Variants in CELSR1 observed in about 807,000 individuals in gnomAD.
CELSR1 encodes cadherin EGF LAG seven-pass G-type receptor 1.
A neutral mutation model predicts 249.1 loss-of-function variants in CELSR1; 110 were observed. The observed-to-expected ratio is 0.44, with a 90% CI of 0.38 to 0.52. CELSR1 has a LOEUF of 0.52. Among genes scored for constraint, CELSR1 ranks in the 20% least tolerant of loss-of-function variants. CELSR1 has a pLI of 0.00. For missense variants in CELSR1, 4,109 were observed against 4,296.4 expected (o/e 0.96, Z 1.22); for synonymous variants, 2,113 against 1,900.0 (o/e 1.11, Z -2.92).
At position 46,390,479 on chromosome 22, in the gene CELSR1, C is replaced by G. The variant is rs771590161; in HGVS notation, c.6258G>C (p.Ala2086=). 7 of 1,613,392 alleles carry G rather than the reference C, an allele frequency of 4.3e-6. No homozygotes were observed. The East Asian group carries it at 6.7e-5, about 15-fold the overall frequency. Reference sequence around the variant, plus strand: ...CCTTCTCCCCGCTGCAGTGTCGGACCGCATTTCCTGGGGAAGGAGAGCAGG... The same window carrying G: ...CCTTCTCCCCGCTGCAGTGTCGGACGGCATTTCCTGGGGAAGGAGAGCAGG... ...VPCPKGSVGN[A]VRHCSGEKGW... The change falls in exon 17 of 35, where the codon GCG becomes GCC. Residue 2086 remains alanine (A), a synonymous_variant. Coordinates refer to ENST00000674500, the MANE Select transcript of CELSR1 (RefSeq NM_001378328.1). This position sits in a 1 kb window ranked among gnomAD's most constrained non-coding sequence, Gnocchi z 6.3.
chr22:46,411,856 A>G lies in CELSR1; in HGVS notation c.4612-97T>C, dbSNP rs2079340912. ...TCATAGAGCGAGGAGGACATGGCAC[A>G]GGGTGGGCGGCACGTAGACAAGGGA... On this transcript the variant is annotated intron_variant, in intron 5 of 34. Coordinates refer to ENST00000674500, the MANE Select transcript of CELSR1 (RefSeq NM_001378328.1). This position sits in a 1 kb window ranked among gnomAD's most constrained non-coding sequence, Gnocchi z 4.2. The G allele has an allele frequency of 1.3e-6, 2 of 1,504,104 alleles. No individual in the cohort carries two copies. Among genetic ancestry groups the G allele is most frequent in the South Asian group, 1.2e-5 (1 of 85,138 alleles). 93.2% of individuals were successfully genotyped at this position (1,504,104 alleles called of 1,614,324 possible). A position where few individuals can be genotyped will look rare whatever the true frequency, so the allele number is the denominator to read the frequency against.
rs2079677807 is a variant in CELSR1, at chr22:46,437,547, G to C, written c.4407-1258C>G. ...GAGGTGGGTGGATCACCTGAGGTCA[G>C]GTTGACCAGCCTGGCCAACATGGTG... On this transcript the variant is annotated intron_variant, in intron 3 of 34. Coordinates refer to ENST00000674500, the MANE Select transcript of CELSR1 (RefSeq NM_001378328.1). This position sits in a 1 kb window ranked among gnomAD's most constrained non-coding sequence, Gnocchi z 4.9. 6.6e-6 allele frequency among the ~76,000 whole-genome samples: 1 copy of C among 152,010 alleles called. No homozygotes were observed. The highest frequency in any genetic ancestry group is 2.1e-4 in the South Asian group (1 of 4,816).
At chr22:46,456,357 C>G (rs12170949) in intron 2 of CELSR1, among the ~76,000 whole-genome samples, 1 of 152,148 alleles carries the variant, frequency 6.6e-6, no homozygotes, top group African/African-American at 2.4e-5. Flanking sequence ...GCCCATGACT[C>G]TGATAAGAGA....
rs577142258 is a variant in CELSR1, at chr22:46,516,445, C to T, written c.3544+17182G>A. On this transcript the variant is annotated intron_variant, in intron 1 of 34. Transcript: ENST00000674500. The stretch of plus-strand genomic sequence containing the variant: ...ACACAGGAAGGGAAACATCACACAC[C>T]GGGGCCTGTTGTGGGGTTGGGGGAG... 9.7e-4 allele frequency among the ~76,000 whole-genome samples: 147 copies of T among 151,826 alleles called. 1 individual carries two copies. Among genetic ancestry groups the T allele is most frequent in the African/African-American group, 3.3e-3 (136 of 41,414 alleles).
At chr22:46,458,088 G>A (rs1006071681) in intron 2 of CELSR1, among the ~76,000 whole-genome samples, 2 of 150,090 alleles carry the variant, frequency 1.3e-5, no homozygotes, top group Admixed American at 6.9e-5. Flanking sequence ...ACCACCATGG[G>A]GGTGAGGGCT....
In CELSR1 at chr22:46,412,981, C is replaced by A. The variant is rs9626865; in HGVS notation, c.4612-1222G>T. ...GCCTCCCCCTCCACCCCAGAGAGAA[C>A]CTTTTCTTCCAGTCCCAGCAGGGTC... On this transcript the variant is annotated intron_variant, in intron 5 of 34. Transcript: ENST00000674500. The surrounding 1 kb of genome is among the most constrained non-coding windows in gnomAD (Gnocchi z 4.5). Among the ~76,000 whole-genome samples the A allele has an allele frequency of 0.026, 4,008 of 152,284 alleles. 165 individuals carry two copies. The highest frequency in any genetic ancestry group is 0.09 in the African/African-American group (3,739 of 41,550).
At chr22:46,516,597 C>T (rs2080630834) in intron 1 of CELSR1, among the ~76,000 whole-genome samples, 1 of 152,112 alleles carries the variant, frequency 6.6e-6, no homozygotes, top group South Asian at 2.1e-4. Flanking sequence ...GCCTCGCCTC[C>T]CAAAGTGCTT....
intron 19 of CELSR1, among the ~76,000 whole-genome samples, chr22:46,386,198 G>A (rs138568559): frequency 2.6e-5 from 4 of 152,188 alleles, no homozygotes; most frequent in African/African-American, 9.6e-5. Flanking sequence ...TCCAACTCCT[G>A]ACCTCATGTG....
At chr22:46,504,696 G>A (rs911628219) in intron 1 of CELSR1, among the ~76,000 whole-genome samples, 1 of 152,212 alleles carries the variant, frequency 6.6e-6, no homozygotes, top group East Asian at 1.9e-4. Context: ...CACACGGCTG[G>A]CTCTAGTATT....
chr22:46,388,221 C>A (rs1292232858), intron 18 of CELSR1, among the ~76,000 whole-genome samples: 2 of 151,946 alleles, frequency 1.3e-5, no homozygotes, highest in African/African-American at 4.8e-5. Context: ...TGGTGGCGGG[C>A]GCCTGTAATC....
At position 46,536,434 on chromosome 22, in the gene CELSR1, G is replaced by A. The variant is rs778197610; in HGVS notation, c.737C>T (p.Pro246Leu). 5 of 1,612,194 alleles carry A rather than the reference G, an allele frequency of 3.1e-6. No individual in the cohort carries two copies. Among genetic ancestry groups the A allele is most frequent in the Non-Finnish European group, 4.2e-6 (5 of 1,179,640 alleles). Residue 246 changes from proline to leucine, a missense_variant, in exon 1 of 35, where the codon CCG becomes CTG. Physicochemically the swap from Pro to Leu is moderately conservative, Grantham distance 98. Around this residue, in one of 7 missense-constraint regions of CELSR1, gnomAD observed 673 missense variants for 636.8 expected, o/e 1.06. Transcript: ENST00000674500. ...GTSGRGSLKF[P>L]MPNYQVALFE... ...CAACGCCACCTGGTAGTTGGGCATC[G>A]GAAACTTCAGGCTCCCTCTGCCGCT...
Position 46,439,181 on chromosome 22 carries a change from A to G in CELSR1, c.4406+8T>C, listed in dbSNP as rs766078252. The G allele has an allele frequency of 6.2e-7, 1 of 1,609,484 alleles. No individual in the cohort carries two copies. The highest frequency in any genetic ancestry group is 1.7e-5 in the Admixed American group (1 of 59,854). ...ACCCCCGTGTGGCGCGGCGGGACGC[A>G]CACTCACGTGAGGGAGATGGTGAAG... On this transcript the variant is annotated splice_region_variant and intron_variant, in intron 3 of 34. Transcript: ENST00000674500.
At chr22:46,477,514 CTT>C (rs10683807) in intron 1 of CELSR1, among the ~76,000 whole-genome samples, 35 of 133,652 alleles carry the variant, frequency 2.6e-4, no homozygotes, top group African/African-American at 9.2e-4. Context: ...GTTTTATTGG[CTT>C]TTTTTTTTTT....
In CELSR1 at chr22:46,423,998, TGTTTTGGAGAGCATAGG is replaced by T. The variant is rs1406356413; in HGVS notation, c.4611+9378_4611+9394del. On this transcript the variant is annotated intron_variant, in intron 5 of 34. Transcript: ENST00000674500. The surrounding 1 kb of genome is among the most constrained non-coding windows in gnomAD (Gnocchi z 5.6). ...ACAAAGAAAAAAAACACAAGTTTGTTGTTTTGGAGAGCATAGGGTTATCCTTCAGAAAAACATATGTA... is the reference window on the plus strand; with the variant it reads ...ACAAAGAAAAAAAACACAAGTTTGTTGTTATCCTTCAGAAAAACATATGTA... 2.0e-5 allele frequency among the ~76,000 whole-genome samples: 3 copies of T among 152,288 alleles called. No homozygotes were observed. Among genetic ancestry groups the T allele is most frequent in the African/African-American group, 7.2e-5 (3 of 41,564 alleles).
In CELSR1 at chr22:46,448,030, TG is replaced by T. The variant is rs1286645149; in HGVS notation, c.4184-8620del. The stretch of plus-strand genomic sequence containing the variant: ...CTGGGGACCTGTCCCATACCAGGCT[TG>T]GGGCTGGTGCACTGCCCTGCCTGCC... On this transcript the variant is annotated intron_variant, in intron 2 of 34. Coordinates refer to ENST00000674500, the MANE Select transcript of CELSR1 (RefSeq NM_001378328.1). This position sits in a 1 kb window ranked among gnomAD's most constrained non-coding sequence, Gnocchi z 5.7. 6.6e-6 allele frequency among the ~76,000 whole-genome samples: 1 copy of T among 152,194 alleles called. No individual in the cohort carries two copies.
At position 46,534,849 on chromosome 22, in the gene CELSR1, A is replaced by G; in HGVS notation, c.2322T>C (p.His774=). ...ASDGTRSHTA[H]VLINVTDANT... ...TGGCATCAGTGACGTTGATTAGGAC[A>G]TGCGCAGTGTGCGACCGTGTGCCGT... The change falls in exon 1 of 35, where the codon CAT becomes CAC. Residue 774 remains histidine, a synonymous_variant. Transcript: ENST00000674500. This position sits in a 1 kb window ranked among gnomAD's most constrained non-coding sequence, Gnocchi z 9.7. The G allele has an allele frequency of 1.2e-6, 2 of 1,613,028 alleles. No homozygotes were observed.
intron 1 of CELSR1, among the ~76,000 whole-genome samples, chr22:46,499,741 C>T (rs1467321914): frequency 4.6e-5 from 7 of 152,070 alleles, no homozygotes; most frequent in Non-Finnish European, 8.8e-5. Context: ...CTCCTGGTCC[C>T]CCACCCTTGG....
intron 2 of CELSR1, among the ~76,000 whole-genome samples, chr22:46,452,865 G>A (rs1186657127): frequency 1.3e-5 from 2 of 152,254 alleles, no homozygotes; most frequent in Admixed American, 6.5e-5. Flanking sequence ...TCGGGCAGGC[G>A]GGGCTCCCCT....
intron 1 of CELSR1, among the ~76,000 whole-genome samples, chr22:46,494,758 C>T (rs1218362793): frequency 3.9e-5 from 6 of 152,154 alleles, no homozygotes; most frequent in African/African-American, 7.2e-5. Context: ...CCGCCCGCCT[C>T]GGTCTCCCAA....
Sources: gnomAD v4.1 joint callset for allele counts (sites outside exome capture counted in the v4.1 genomes callset) on GRCh38, gnomAD v4.1.1 for gene constraint, gnomAD v4.1.1 regional missense constraint, Gnocchi (gnomAD v3.1) non-coding constraint, MANE v1.5 for transcripts, NCBI Gene and HGNC (gene_info 2026-07-23, HGNC 2026-07-21) for gene names.